The following ALDH1B1 variants were observed in gnomAD, a reference collection of about 807,000 sequenced individuals.
The protein encoded by ALDH1B1 is aldehyde dehydrogenase family 1 member B1, mitochondrial.
ALDH1B1 carries 19 observed loss-of-function variants against 26.2 expected under a neutral mutation model. That is an observed-to-expected ratio of 0.72 (90% CI 0.51 to 1.06). The LOEUF (loss-of-function observed/expected upper bound fraction) is 1.06, where lower values mean the gene tolerates loss of function less well. Ranked by LOEUF, ALDH1B1 falls within the 50% of genes least tolerant of loss-of-function variation. The probability of loss-of-function intolerance (pLI) is 0.00; values close to 1 mark genes in which losing one functional copy is unlikely to be tolerated. For synonymous variants in ALDH1B1, 249 were observed against 286.0 expected, an observed-to-expected ratio of 0.87 and a Z score of 1.31; for missense variants, 671 against 683.1, an observed-to-expected ratio of 0.98 and a Z score of 0.20.
rs776789508 is a variant in ALDH1B1 at position 38,395,919 on chromosome 9, C to A, written c.171C>A (p.Val57=). Residue 57 remains valine (V), a synonymous_variant, in exon 2 of 2, where the codon GTC becomes GTA. Transcript: ENST00000377698. ...TCAGCAAGAAGACCTTCCCGACGGT[C>A]AACCCTACCACCGGGGAGGTCATTG... ...DAVSKKTFPT[V]NPTTGEVIGH... The A allele has an allele frequency of 1.9e-6, 3 of 1,613,880 alleles. No individual in the cohort carries two copies. Among genetic ancestry groups the A allele is most frequent in the Admixed American group, 1.7e-5 (1 of 60,032 alleles).
In ALDH1B1 at chr9:38,392,715, G is replaced by C; in HGVS notation, c.-102G>C. ...CCCGGGCTGCGCGGAGGCGGGACCTGCGGCCAGCCCTGGGCGGCCATGTGG... is the reference window on the plus strand; with the variant it reads ...CCCGGGCTGCGCGGAGGCGGGACCTCCGGCCAGCCCTGGGCGGCCATGTGG... On this transcript the variant is annotated 5_prime_UTR_variant, in exon 1 of 2. Transcript: ENST00000377698. 1 of 985,600 alleles carries C rather than the reference G, an allele frequency of 1.0e-6. No homozygotes were observed. The highest frequency in any genetic ancestry group is 4.7e-5 in the South Asian group (1 of 21,294). The allele number at this position is 985,600 out of a possible 1,614,324, so 61.1% of individuals were successfully genotyped here.
intron 1 of ALDH1B1, among the ~76,000 whole-genome samples, 188 bp from the exon 2 acceptor site, chr9:38,395,552 G>A (rs1291809801): frequency 3.3e-5 from 5 of 152,144 alleles, no homozygotes; most frequent in Non-Finnish European, 7.3e-5. Context: ...AGTGAGCTGA[G>A]GATAGGCGGG....
Position 38,397,479 on chromosome 9 carries a change from G to T in ALDH1B1, c.*177G>T. On this transcript the variant is annotated 3_prime_UTR_variant, in exon 2 of 2. Transcript: ENST00000377698. ...GCTGTTCTATTTAAATCAGAGATGG[G>T]GACCAGGCTCAGAGTTCTACCTATC... The T allele has an allele frequency of 1.0e-6, 1 of 983,022 alleles. No homozygotes were observed. The highest frequency in any genetic ancestry group is 1.5e-6 in the Non-Finnish European group (1 of 682,552). The allele number at this position is 983,022 out of a possible 1,614,324, so 60.9% of individuals were successfully genotyped here. A position where few individuals can be genotyped will look rare whatever the true frequency, so the allele number is the denominator to read the frequency against.
Position 38,396,644 on chromosome 9 carries a change from A to G in ALDH1B1, c.896A>G (p.Asp299Gly), listed in dbSNP as rs775517654. ...CCCAGCATCGTGCTGGCCGATGCTGACATGGAGCATGCCGTGGAGCAGTGC... is the reference window on the plus strand; with the variant it reads ...CCCAGCATCGTGCTGGCCGATGCTGGCATGGAGCATGCCGTGGAGCAGTGC... Reference protein sequence around the residue: ...KSPSIVLADADMEHAVEQCHE... With the variant: ...KSPSIVLADAGMEHAVEQCHE... Residue 299 changes from aspartate (D) to glycine (G), a missense_variant, in exon 2 of 2, where the codon GAC becomes GGC. Coordinates refer to ENST00000377698, the MANE Select transcript of ALDH1B1 (RefSeq NM_000692.5). 9.9e-6 allele frequency: 16 copies of G among 1,614,058 alleles called. No homozygotes were observed. The Admixed American group carries it at 1.3e-4, about 13-fold the overall frequency.
chr9:38,395,265 G>A (rs80111188), intron 1 of ALDH1B1, among the ~76,000 whole-genome samples: 2,817 of 152,282 alleles, frequency 0.018, 87 homozygotes, highest in African/African-American at 0.063. Context: ...GTGTTGAGCC[G>A]CTGCTCTGTA....
intron 1 of ALDH1B1, among the ~76,000 whole-genome samples, chr9:38,393,751 T>C (rs1563913837): frequency 1.3e-5 from 2 of 152,220 alleles, no homozygotes; most frequent in African/African-American, 2.4e-5. Flanking sequence ...AGCTTCCCCC[T>C]GTGGGATATG....
Position 38,397,127 on chromosome 9 carries a change from C to T in ALDH1B1, c.1379C>T (p.Thr460Ile), listed in dbSNP as rs1821310332. Reference sequence around the variant, plus strand: ...GATCTGGACAAGGCCATGTACTTCACCCAGGCACTCCAGGCCGGGACCGTG... The same window carrying T: ...GATCTGGACAAGGCCATGTACTTCATCCAGGCACTCCAGGCCGGGACCGTG... ...TRDLDKAMYFTQALQAGTVWV... is the reference protein window; with the variant it reads ...TRDLDKAMYFIQALQAGTVWV... The change falls in exon 2 of 2, where the codon ACC (threonine) becomes ATC (isoleucine). Residue 460 changes from threonine (T) to isoleucine (I), a missense_variant. By Grantham distance (89) the Thr-to-Ile change is moderately conservative. Coordinates refer to ENST00000377698, the MANE Select transcript of ALDH1B1 (RefSeq NM_000692.5). 1 of 1,614,078 alleles carries T rather than the reference C, an allele frequency of 6.2e-7. No individual in the cohort carries two copies. Among genetic ancestry groups the T allele is most frequent in the South Asian group, 1.1e-5 (1 of 91,086 alleles).
chr9:38,393,085 G>C (rs916918784), intron 1 of ALDH1B1, among the ~76,000 whole-genome samples: 1 of 152,222 alleles, frequency 6.6e-6, no homozygotes, highest in African/African-American at 2.4e-5. Flanking sequence ...CCTGACCATA[G>C]CCCAGAGGCT....
chr9:38,395,860 C>G lies in ALDH1B1; in HGVS notation c.112C>G (p.Gln38Glu). The G allele has an allele frequency of 1.2e-6, 2 of 1,613,658 alleles. No individual in the cohort carries two copies. Among genetic ancestry groups the G allele is most frequent in the Non-Finnish European group, 1.7e-6 (2 of 1,180,036 alleles). ...TCTGAACCCAGACATCCCCTACAACCAGCTGTTCATCAACAATGAATGGCA... is the reference window on the plus strand; with the variant it reads ...TCTGAACCCAGACATCCCCTACAACGAGCTGTTCATCAACAATGAATGGCA... ...PILNPDIPYNQLFINNEWQDA... is the reference protein window; with the variant it reads ...PILNPDIPYNELFINNEWQDA... Residue 38 changes from glutamine (Q) to glutamate (E), a missense_variant, in exon 2 of 2, where the codon CAG becomes GAG. Transcript: ENST00000377698.
At chr9:38,395,602 A>T in intron 1 of ALDH1B1, 138 bp from the exon 2 acceptor site, 1 of 1,276,052 alleles carries the variant, frequency 7.8e-7, no homozygotes, top group African/African-American at 1.5e-5. Flanking sequence ...CAGGGCCCTC[A>T]CAGCTCTTAC....
chr9:38,397,130 A>C lies in ALDH1B1; in HGVS notation c.1382A>C (p.Gln461Pro). The change falls in exon 2 of 2, where the codon CAG (glutamine) becomes CCG (proline). Residue 461 changes from glutamine to proline, a missense_variant. Physicochemically the swap from Gln to Pro is moderately conservative, Grantham distance 76. Transcript: ENST00000377698. ...CTGGACAAGGCCATGTACTTCACCCAGGCACTCCAGGCCGGGACCGTGTGG... is the reference window on the plus strand; with the variant it reads ...CTGGACAAGGCCATGTACTTCACCCCGGCACTCCAGGCCGGGACCGTGTGG... The part of the protein sequence containing the change: ...RDLDKAMYFT[Q>P]ALQAGTVWVN... The C allele has an allele frequency of 6.2e-7, 1 of 1,614,158 alleles. No homozygotes were observed. Among genetic ancestry groups the C allele is most frequent in the Non-Finnish European group, 8.5e-7 (1 of 1,180,036 alleles).
chr9:38,394,649 C>T (rs1821244415), intron 1 of ALDH1B1: 2 of 985,140 alleles, frequency 2.0e-6, no homozygotes, highest in South Asian at 4.7e-5. Flanking sequence ...GTTTTTTGTT[C>T]CTCTCCCTGC....
rs924908903 is a variant in ALDH1B1, at chr9:38,394,517, C to T, written c.-9-1223C>T. Reference sequence around the variant, plus strand: ...TATGTGCTCAGGCTGGTCTCAAACTCCTGGCCTCAAGCAGTCCTTCCACTT... The same window carrying T: ...TATGTGCTCAGGCTGGTCTCAAACTTCTGGCCTCAAGCAGTCCTTCCACTT... On this transcript the variant is annotated intron_variant, in intron 1 of 1. Transcript: ENST00000377698. 3.8e-5 allele frequency: 33 copies of T among 865,140 alleles called. No homozygotes were observed. The African/African-American group carries it at 5.8e-4, about 15-fold the overall frequency. 53.6% of individuals were successfully genotyped at this position (865,140 alleles called of 1,614,324 possible). A position where few individuals can be genotyped will look rare whatever the true frequency, so the allele number is the denominator to read the frequency against.
chr9:38,397,061 A>G lies in ALDH1B1; in HGVS notation c.1313A>G (p.Asn438Ser), dbSNP rs754046692. 1.1e-5 allele frequency: 18 copies of G among 1,614,090 alleles called. No individual in the cohort carries two copies. The highest frequency in any genetic ancestry group is 2.2e-5 in the East Asian group (1 of 44,896). ...KKIEEVVERA[N>S]NTRYGLAAAV... ...ATTGAGGAGGTGGTTGAGAGGGCCA[A>G]CAACACCAGGTATGGCCTGGCTGCG... The change falls in exon 2 of 2, where the codon AAC (asparagine) becomes AGC (serine). Residue 438 changes from asparagine (N) to serine (S), a missense_variant. Transcript: ENST00000377698.
rs1371896879 is a variant in ALDH1B1 at position 38,392,772 on chromosome 9, A to G, written c.-45A>G. ...CTGGGAGGGCCGGAACCAGAACCCAAGCGTGATCCTGAACCGGAGCCCGAG... is the reference window on the plus strand; with the variant it reads ...CTGGGAGGGCCGGAACCAGAACCCAGGCGTGATCCTGAACCGGAGCCCGAG... On this transcript the variant is annotated 5_prime_UTR_variant, in exon 1 of 2. Transcript: ENST00000377698. The G allele has an allele frequency of 4.1e-6, 4 of 985,478 alleles. No homozygotes were observed. Among genetic ancestry groups the G allele is most frequent in the East Asian group, 1.1e-4 (1 of 8,822 alleles). 61.0% of individuals were successfully genotyped at this position (985,478 alleles called of 1,614,324 possible). A position where few individuals can be genotyped will look rare whatever the true frequency, so the allele number is the denominator to read the frequency against.
At chr9:38,395,043 G>A (rs1821251970) in intron 1 of ALDH1B1, among the ~76,000 whole-genome samples, 2 of 152,116 alleles carry the variant, frequency 1.3e-5, no homozygotes, top group Non-Finnish European at 1.5e-5. Context: ...AGTGGAGCTT[G>A]CCAGGGTTTT....
intron 1 of ALDH1B1, among the ~76,000 whole-genome samples, chr9:38,393,761 G>T (rs1821229417): frequency 6.6e-6 from 1 of 152,102 alleles, no homozygotes; most frequent in Non-Finnish European, 1.5e-5. Flanking sequence ...TGTGGGATAT[G>T]ATGAGGTTTC....
At position 38,397,487 on chromosome 9, in the gene ALDH1B1, C is replaced by T; in HGVS notation, c.*185C>T. ...ATTTAAATCAGAGATGGGGACCAGGCTCAGAGTTCTACCTATCTAACCCCC... is the reference window on the plus strand; with the variant it reads ...ATTTAAATCAGAGATGGGGACCAGGTTCAGAGTTCTACCTATCTAACCCCC... On this transcript the variant is annotated 3_prime_UTR_variant, in exon 2 of 2. Coordinates refer to ENST00000377698, the MANE Select transcript of ALDH1B1 (RefSeq NM_000692.5). The T allele has an allele frequency of 1.1e-6, 1 of 915,718 alleles. No homozygotes were observed. Among genetic ancestry groups the T allele is most frequent in the South Asian group, 2.0e-5 (1 of 50,406 alleles). 56.7% of individuals were successfully genotyped at this position (915,718 alleles called of 1,614,324 possible).
In ALDH1B1 at chr9:38,396,967, C is replaced by G; in HGVS notation, c.1219C>G (p.Gln407Glu). Residue 407 changes from glutamine to glutamate, a missense_variant, in exon 2 of 2, where the codon CAG becomes GAG. Physicochemically the swap from Gln to Glu is conservative, Grantham distance 29 (BLOSUM62 2). Transcript: ENST00000377698. Reference protein sequence around the residue: ...FIKPTVFGGVQDDMRIAKEEI... With the variant: ...FIKPTVFGGVEDDMRIAKEEI... ...CAAGCCTACTGTCTTTGGTGGCGTGCAGGATGACATGAGAATTGCCAAAGA... is the reference window on the plus strand; with the variant it reads ...CAAGCCTACTGTCTTTGGTGGCGTGGAGGATGACATGAGAATTGCCAAAGA... 6.2e-7 allele frequency: 1 copy of G among 1,614,120 alleles called. No individual in the cohort carries two copies. The highest frequency in any genetic ancestry group is 1.1e-5 in the South Asian group (1 of 91,078).
Sources: allele counts gnomAD v4.1 joint callset (sites outside exome capture counted in the v4.1 genomes callset), GRCh38; gene constraint gnomAD v4.1.1; transcripts MANE v1.5; gene names NCBI Gene and HGNC (gene_info 2026-07-23, HGNC 2026-07-21).